The following TOR1A variants were observed in gnomAD, a reference collection of about 807,000 sequenced individuals.
TOR1A encodes the protein torsin family 1 member A.
A neutral mutation model predicts 31.4 loss-of-function variants in TOR1A; 18 were observed. The ratio of observed to expected loss-of-function variants is 0.57; its 90% CI spans 0.40 to 0.85. TOR1A has a LOEUF of 0.85. TOR1A is among the 40% of genes least tolerant of loss of function. TOR1A has a pLI of 0.00. For synonymous variants in TOR1A, 168 were observed against 165.9 expected, an observed-to-expected ratio of 1.01 and a Z score of -0.10; for missense variants, 375 against 416.4, an observed-to-expected ratio of 0.90 and a Z score of 0.87.
chr9:129,820,042 C>A (rs1423063550), intron 2 of TOR1A, among the ~76,000 whole-genome samples: 1 of 152,070 alleles, frequency 6.6e-6, no homozygotes, highest in African/African-American at 2.4e-5. Flanking sequence ...AGGTTTCTCA[C>A]TCTGGTGACC....
Position 129,813,700 on chromosome 9 carries a change from A to G in TOR1A, c.*272T>C, listed in dbSNP as rs982877713. On this transcript the variant is annotated 3_prime_UTR_variant, in exon 5 of 5. Transcript: ENST00000351698. ...CACTTGGAATTAAAACATAATTTGT[A>G]AAAAATCATGAGCCCTGCGATGAGT... is the stretch of plus-strand genomic sequence containing the variant. 1.1e-5 allele frequency: 6 copies of G among 537,578 alleles called. No individual in the cohort carries two copies. The African/African-American group carries it at 1.1e-4, about 10-fold the overall frequency. The allele number at this position is 537,578 out of a possible 1,614,324, so 33.3% of individuals were successfully genotyped here.
At chr9:129,822,991 C>G (rs867955928) in intron 1 of TOR1A, 145 bp from the exon 2 acceptor site, 1 of 1,220,060 alleles carries the variant, frequency 8.2e-7, no homozygotes, top group Non-Finnish European at 1.2e-6. Flanking sequence ...CTGTAAGCTC[C>G]TGGCCCAGAG....
intron 3 of TOR1A, 26 bp downstream of exon 3, chr9:129,818,719 C>A: frequency 6.2e-7 from 1 of 1,613,770 alleles, no homozygotes; most frequent in Non-Finnish European, 8.5e-7. Flanking sequence ...CGGGGCCCAT[C>A]CATCATGTCC....
rs539656120 is a variant in TOR1A at position 129,821,318 on chromosome 9, A to C, written c.444+1263T>G. 2.0e-5 allele frequency: 3 copies of C among 152,218 alleles called. No individual in the cohort carries two copies. In the South Asian group the frequency reaches 6.2e-4, roughly 32 times the overall value. 9.4% of individuals were successfully genotyped at this position (152,218 alleles called of 1,614,324 possible). A position where few individuals can be genotyped will look rare whatever the true frequency, so the allele number is the denominator to read the frequency against. ...TGACAAGAATGAAACTCAGTCTCAA[A>C]AATAAATAAATAAATAATTGACTGT... On this transcript the variant is annotated intron_variant, in intron 2 of 4. Transcript: ENST00000351698.
intron 4 of TOR1A, 119 bp downstream of exon 4, chr9:129,818,401 G>C: frequency 6.7e-7 from 1 of 1,501,488 alleles, no homozygotes; most frequent in South Asian, 1.1e-5. Flanking sequence ...AGGGGACTGA[G>C]AATCTGCATT....
At chr9:129,823,114 C>A (rs888912581) in intron 1 of TOR1A, among the ~76,000 whole-genome samples, 4 of 152,158 alleles carry the variant, frequency 2.6e-5, no homozygotes, top group Non-Finnish European at 4.4e-5. Flanking sequence ...CCAGTTTGCA[C>A]CCCTAACCCC....
intron 1 of TOR1A, chr9:129,823,412 G>A (rs1033854022): frequency 6.3e-5 from 17 of 269,932 alleles, no homozygotes; most frequent in Non-Finnish European, 1.2e-4. Flanking sequence ...TCCGGGGTCC[G>A]GCCCCCGCGG....
chr9:129,820,274 A>G (rs2031153274), intron 2 of TOR1A, among the ~76,000 whole-genome samples: 1 of 152,026 alleles, frequency 6.6e-6, no homozygotes, highest in Non-Finnish European at 1.5e-5. Flanking sequence ...GGCACCTGCC[A>G]CCACGCCCAG....
rs1397203265 is a variant in TOR1A at position 129,814,023 on chromosome 9, A to G, written c.948T>C (p.Asp316=). ...FFPKEERVFS[D]KGCKTVFTKL... Reference sequence around the variant, plus strand: ...TGGTGAACACCGTTTTGCAGCCTTTATCTGAGAAAACTCTCTCCTCTTTGG... The same window carrying G: ...TGGTGAACACCGTTTTGCAGCCTTTGTCTGAGAAAACTCTCTCCTCTTTGG... Residue 316 remains aspartate (D), a synonymous_variant, in exon 5 of 5, where the codon GAT becomes GAC. Coordinates refer to ENST00000351698, the MANE Select transcript of TOR1A (RefSeq NM_000113.3). 1 of 1,614,140 alleles carries G rather than the reference A, an allele frequency of 6.2e-7. No homozygotes were observed. Among genetic ancestry groups the G allele is most frequent in the Admixed American group, 1.7e-5 (1 of 60,030 alleles).
At position 129,823,973 on chromosome 9, in the gene TOR1A, A is replaced by C; in HGVS notation, c.113T>G (p.Ile38Ser). The C allele has an allele frequency of 6.2e-7, 1 of 1,611,170 alleles. No individual in the cohort carries two copies. The change falls in exon 1 of 5, where the codon ATC (isoleucine) becomes AGC (serine). Residue 38 changes from isoleucine (I) to serine (S), a missense_variant. Physicochemically the swap from Ile to Ser is moderately radical, Grantham distance 142. Coordinates refer to ENST00000351698, the MANE Select transcript of TOR1A (RefSeq NM_000113.3). ...LALAGVLTGY[I>S]YPRLYCLFAE... ...GAAGAGGCAGTAGAGACGCGGGTAGATGTAGCCGGTGAGGACGCCGGCCAG... is the reference window on the plus strand; with the variant it reads ...GAAGAGGCAGTAGAGACGCGGGTAGCTGTAGCCGGTGAGGACGCCGGCCAG...
intron 2 of TOR1A, 163 bp downstream of exon 2, chr9:129,822,418 G>A (rs756571182): frequency 1.0e-5 from 10 of 965,938 alleles, no homozygotes; most frequent in East Asian, 5.3e-5. Flanking sequence ...ACTGCTCCAC[G>A]CATCTCAAAC....
rs576068168 is a variant in TOR1A, at chr9:129,818,876, C to T, written c.489G>A (p.Ala163=). 13 of 1,613,772 alleles carry T rather than the reference C, an allele frequency of 8.1e-6. No homozygotes were observed. The highest frequency in any genetic ancestry group is 1.7e-5 in the Admixed American group (1 of 60,004). ...LWIRGNVSAC[A]RSIFIFDEMD... is the part of the protein sequence containing the mutation. ...TTTCATCAAATATGAAGATGGACCT[C>T]GCACAGGCACTCACGTTGCCTCGAA... The change falls in exon 3 of 5, where the codon GCG becomes GCA. Residue 163 remains alanine, a synonymous_variant. Coordinates refer to ENST00000351698, the MANE Select transcript of TOR1A (RefSeq NM_000113.3).
intron 4 of TOR1A, among the ~76,000 whole-genome samples, chr9:129,815,163 C>T (rs1327793624): frequency 6.6e-6 from 1 of 152,244 alleles, no homozygotes; most frequent in Non-Finnish European, 1.5e-5. Flanking sequence ...TTCTGGGGCT[C>T]CGTCCCCAAC....
At position 129,813,959 on chromosome 9, in the gene TOR1A, C is replaced by CCAATCATGACTGT; in HGVS notation, c.999_*12dup. 6.2e-7 allele frequency: 1 copy of CCAATCATGACTGT among 1,613,698 alleles called. No individual in the cohort carries two copies. The highest frequency in any genetic ancestry group is 1.1e-5 in the South Asian group (1 of 91,080). On this transcript the variant is annotated 3_prime_UTR_variant, in exon 5 of 5. Coordinates refer to ENST00000351698, the MANE Select transcript of TOR1A (RefSeq NM_000113.3). ...CAACTCCAGGCAGTGACTCCGGCTG[C>CCAATCATGACTGT]CAATCATGACTGTCAATCATCGTAG...
In TOR1A at chr9:129,822,382, C is replaced by T. The variant is rs575828417; in HGVS notation, c.444+199G>A. On this transcript the variant is annotated intron_variant, in intron 2 of 4. Transcript: ENST00000351698. ...ATACTCACTGGACCGATTTTCAGAA[C>T]CCACCACAAAGCTTTGATGGTATTA... 64 of 759,292 alleles carry T rather than the reference C, an allele frequency of 8.4e-5. No homozygotes were observed. The South Asian group carries it at 8.9e-4, about 11-fold the overall frequency. 47.0% of individuals were successfully genotyped at this position (759,292 alleles called of 1,614,324 possible). A position where few individuals can be genotyped will look rare whatever the true frequency, so the allele number is the denominator to read the frequency against.
rs1216159689 is a variant in TOR1A, at chr9:129,813,944, CA to C, written c.*27del. 1 of 1,612,730 alleles carries C rather than the reference CA, an allele frequency of 6.2e-7. No individual in the cohort carries two copies. The highest frequency in any genetic ancestry group is 1.3e-5 in the African/African-American group (1 of 74,924). On this transcript the variant is annotated 3_prime_UTR_variant, in exon 5 of 5. Coordinates refer to ENST00000351698, the MANE Select transcript of TOR1A (RefSeq NM_000113.3). ...GTGTTGTTTCTTTTCCAACTCCAGG[CA>C]GTGACTCCGGCTGCCAATCATGACT...
rs573630505 is a variant in TOR1A, at chr9:129,814,759, CAAG to C, written c.749-540_749-538del. ...GCAGAGTTCCACAGAAAGCGGGAAG[CAAG>C]AAGAATTCCCGGGAAGGACTACCAG... On this transcript the variant is annotated intron_variant, in intron 4 of 4. Coordinates refer to ENST00000351698, the MANE Select transcript of TOR1A (RefSeq NM_000113.3). Among the ~76,000 whole-genome samples the C allele has an allele frequency of 5.7e-3, 863 of 151,870 alleles. 10 individuals carry two copies. The highest frequency in any genetic ancestry group is 0.02 in the African/African-American group (816 of 41,400).
intron 4 of TOR1A, among the ~76,000 whole-genome samples, chr9:129,817,267 G>A (rs958153202): frequency 2.0e-5 from 3 of 152,164 alleles, no homozygotes; most frequent in Non-Finnish European, 4.4e-5. Context: ...GGGCCGAACC[G>A]CTATTTGGCT....
In TOR1A at chr9:129,818,773, A is replaced by C. The variant is rs747463286; in HGVS notation, c.592T>G (p.Tyr198Asp). 6.2e-7 allele frequency: 1 copy of C among 1,613,362 alleles called. No homozygotes were observed. The highest frequency in any genetic ancestry group is 1.1e-5 in the South Asian group (1 of 91,080). ...DYYDLVDGVS[Y>D]QKAMFIFLSN... ...AGAAATATGAACATGGCTTTCTGGTAGGAGACCCCATCCACCAGGTCATAA... is the reference window on the plus strand; with the variant it reads ...AGAAATATGAACATGGCTTTCTGGTCGGAGACCCCATCCACCAGGTCATAA... The change falls in exon 3 of 5, where the codon TAC (tyrosine) becomes GAC (aspartate). Residue 198 changes from tyrosine (Y) to aspartate (D), a missense_variant. Tyr to Asp is a radical substitution (Grantham distance 160). Coordinates refer to ENST00000351698, the MANE Select transcript of TOR1A (RefSeq NM_000113.3).
Sources: gnomAD v4.1 joint callset for allele counts (sites outside exome capture counted in the v4.1 genomes callset) on GRCh38, gnomAD v4.1.1 for gene constraint, MANE v1.5 for transcripts, NCBI Gene and HGNC (gene_info 2026-07-23, HGNC 2026-07-21) for gene names.